MDGA2: variants seen among roughly 807,000 people sequenced by gnomAD.
MDGA2 encodes MAM domain containing glycosylphosphatidylinositol anchor 2.
MDGA2 carries 40 observed loss-of-function variants against 117.8 expected under a neutral mutation model. The ratio of observed to expected loss-of-function variants is 0.34; its 90% CI spans 0.26 to 0.44. The LOEUF is 0.44. Among genes scored for constraint, MDGA2 ranks in the 20% least tolerant of loss-of-function variants. The probability of loss-of-function intolerance (pLI) is 1.00; values close to 1 mark genes in which losing one functional copy is unlikely to be tolerated. For synonymous variants in MDGA2, 452 were observed against 439.0 expected (o/e 1.03, Z -0.37); for missense variants, 1,123 against 1,250.6 (o/e 0.90, Z 1.54).
At chr14:47,032,833 T>C (rs1388735429) in intron 8 of MDGA2, among the ~76,000 whole-genome samples, 1 of 152,104 alleles carries the variant, frequency 6.6e-6, no homozygotes, top group Non-Finnish European at 1.5e-5. Context: ...TTTGGAAATA[T>C]ATGGAAGGGA....
At chr14:47,363,029 T>G (rs1891157118) in intron 1 of MDGA2, among the ~76,000 whole-genome samples, 1 of 152,178 alleles carries the variant, frequency 6.6e-6, no homozygotes, top group South Asian at 2.1e-4. Flanking sequence ...TTTCTATCCT[T>G]GCAAAAGCAG....
At chr14:47,574,188 G>T (rs765142194) in intron 1 of MDGA2, among the ~76,000 whole-genome samples, 3 of 152,162 alleles carry the variant, frequency 2.0e-5, no homozygotes, top group African/African-American at 7.2e-5. Context: ...GGTATTAGGC[G>T]ATTCAAACAC....
At chr14:47,517,341 T>C (rs1894775253) in intron 1 of MDGA2, among the ~76,000 whole-genome samples, 1 of 152,152 alleles carries the variant, frequency 6.6e-6, no homozygotes, top group Non-Finnish European at 1.5e-5. Flanking sequence ...CAGTAAAAGT[T>C]AATGCAGAGA....
At chr14:47,604,109 A>T (rs571323503) in intron 1 of MDGA2, among the ~76,000 whole-genome samples, 1 of 152,280 alleles carries the variant, frequency 6.6e-6, no homozygotes, top group East Asian at 1.9e-4. Context: ...ACTTTATAGC[A>T]ATATGAAAAC....
At chr14:47,597,717 T>C (rs181506434) in intron 1 of MDGA2, among the ~76,000 whole-genome samples, 3 of 152,148 alleles carry the variant, frequency 2.0e-5, no homozygotes, top group Admixed American at 2.0e-4. Flanking sequence ...TCACACATCT[T>C]TGGTTGGGTT....
intron 1 of MDGA2, among the ~76,000 whole-genome samples, chr14:47,580,246 C>A (rs374024684): frequency 6.6e-6 from 1 of 152,142 alleles, no homozygotes; most frequent in African/African-American, 2.4e-5. Flanking sequence ...AAGATCAAGA[C>A]ACAAGATTCA....
chr14:47,200,652 T>G (rs1284167672), intron 3 of MDGA2: 1 of 1,238,946 alleles, frequency 8.1e-7, no homozygotes, highest in African/African-American at 1.5e-5. Flanking sequence ...TCGGCCTGTT[T>G]CCGTAGCCTC....
chr14:47,405,808 A>G (rs1302406558), intron 1 of MDGA2, among the ~76,000 whole-genome samples: 2 of 152,208 alleles, frequency 1.3e-5, no homozygotes, highest in African/African-American at 2.4e-5. Flanking sequence ...AAGCAATCAT[A>G]TAAATTTAAT....
At chr14:47,522,351 A>ATGTG (rs1388126311) in intron 1 of MDGA2, among the ~76,000 whole-genome samples, 7 of 114,590 alleles carry the variant, frequency 6.1e-5, no homozygotes, top group African/African-American at 2.2e-4. Flanking sequence ...ATATGTATAT[A>ATGTG]TATGTATATA....
chr14:47,157,029 TTG>T (rs1330695934), intron 3 of MDGA2, among the ~76,000 whole-genome samples: 3 of 152,202 alleles, frequency 2.0e-5, no homozygotes, highest in African/African-American at 4.8e-5. Context: ...AATTAAATCA[TTG>T]TTAGACATCA....
At chr14:47,347,574 G>A (rs965079383) in intron 1 of MDGA2, among the ~76,000 whole-genome samples, 1 of 152,180 alleles carries the variant, frequency 6.6e-6, no homozygotes, top group African/African-American at 2.4e-5. Flanking sequence ...GAGAAGACAA[G>A]AGGAAATATG....
At chr14:46,899,307 G>A (rs911495879) in intron 10 of MDGA2, among the ~76,000 whole-genome samples, 9 of 151,924 alleles carry the variant, frequency 5.9e-5, no homozygotes, top group African/African-American at 2.2e-4. Context: ...TTTCAAAGCA[G>A]AATTACAATA....
At chr14:46,952,834 G>T (rs1158337521) in intron 9 of MDGA2, among the ~76,000 whole-genome samples, 1 of 152,006 alleles carries the variant, frequency 6.6e-6, no homozygotes, top group East Asian at 1.9e-4. Context: ...CTGAAATAGA[G>T]ATTATGCTAT....
intron 1 of MDGA2, among the ~76,000 whole-genome samples, chr14:47,522,586 A>G (rs1190185927): frequency 7.7e-6 from 1 of 130,010 alleles, no homozygotes; most frequent in African/African-American, 2.8e-5. Context: ...TGAGGGTGAT[A>G]TTTCTAAGTT....
chr14:47,291,464 G>A (rs1318745012), intron 2 of MDGA2, among the ~76,000 whole-genome samples: 3 of 151,424 alleles, frequency 2.0e-5, no homozygotes, highest in South Asian at 4.2e-4. Flanking sequence ...AACTTATAAT[G>A]GGGTTATCTC....
intron 9 of MDGA2, among the ~76,000 whole-genome samples, chr14:46,924,096 A>T (rs1884233920): frequency 1.3e-5 from 2 of 152,130 alleles, no homozygotes; most frequent in Admixed American, 1.3e-4. Flanking sequence ...CTAGAACTAT[A>T]TTCATTAACT....
At chr14:47,102,391 ACAAACACACACAC>A (rs1880385767) in intron 5 of MDGA2, among the ~76,000 whole-genome samples, 1 of 145,574 alleles carries the variant, frequency 6.9e-6, no homozygotes, top group African/African-American at 2.7e-5. Context: ...ACACACACAC[ACAAACACACACAC>A]ACACACACAA....
rs2138809101 is a variant in MDGA2, at chr14:47,565,137, G to A, written c.280+109380C>T. Among the ~76,000 whole-genome samples the A allele has an allele frequency of 1.3e-5, 2 of 152,248 alleles. 1 individual carries two copies. The highest frequency in any genetic ancestry group is 4.1e-4 in the South Asian group (2 of 4,820). On this transcript the variant is annotated intron_variant, in intron 1 of 16. Coordinates refer to ENST00000399232, the MANE Select transcript of MDGA2 (RefSeq NM_001113498.3). ...ATTTCAGCCATTTCAGCCTAGTTAAGAACCACTGCTCTGGGGAAGTAGTGC... is the reference window on the plus strand; with the variant it reads ...ATTTCAGCCATTTCAGCCTAGTTAAAAACCACTGCTCTGGGGAAGTAGTGC...
intron 9 of MDGA2, among the ~76,000 whole-genome samples, chr14:46,935,917 C>T (rs1884763821): frequency 6.6e-6 from 1 of 152,012 alleles, no homozygotes; most frequent in African/African-American, 2.4e-5. Context: ...GGAGTCACAG[C>T]ACCTAGGACC....
Sources: allele counts gnomAD v4.1 joint callset (sites outside exome capture counted in the v4.1 genomes callset), GRCh38; gene constraint gnomAD v4.1.1; transcripts MANE v1.5; gene names NCBI Gene and HGNC (gene_info 2026-07-23, HGNC 2026-07-21).